The following GPHN variants were observed in gnomAD, a reference collection of about 807,000 sequenced individuals.
GPHN encodes the protein gephyrin.
In GPHN, 17 loss-of-function variants were observed where a neutral mutation model predicts 95.5. That is an observed-to-expected ratio of 0.18 (90% CI 0.12 to 0.27). The LOEUF is 0.27. Ranked by LOEUF, GPHN falls within the 10% of genes least tolerant of loss-of-function variation. GPHN has a pLI of 1.00. For synonymous variants in GPHN, 320 were observed against 322.5 expected, an observed-to-expected ratio of 0.99 and a Z score of 0.08; for missense variants, 660 against 978.1, an observed-to-expected ratio of 0.67 and a Z score of 4.34.
chr14:66,629,360 A>G (rs2063695361), intron 1 of GPHN, among the ~76,000 whole-genome samples: 2 of 151,562 alleles, frequency 1.3e-5, no homozygotes, highest in African/African-American at 4.8e-5. Context: ...CTAGGCCTAC[A>G]CAGGGTCAGG....
downstream of GPHN, among the ~76,000 whole-genome samples, chr14:67,185,926 A>G (rs886821977): frequency 2.6e-5 from 4 of 152,224 alleles, no homozygotes; most frequent in South Asian, 2.1e-4. Flanking sequence ...TTGTATTCCA[A>G]TGATGATGGG....
intron 4 of GPHN, among the ~76,000 whole-genome samples, chr14:66,826,610 T>G (rs578255032): frequency 6.6e-6 from 1 of 152,256 alleles, no homozygotes; most frequent in African/African-American, 2.4e-5. Context: ...TCAGATTCAC[T>G]AATTTGCTAG....
chr14:67,411,915 A>G, the GPHN span: 3 of 1,091,346 alleles, frequency 2.7e-6, no homozygotes, highest in Admixed American at 7.7e-5. Context: ...GGGGATGGGA[A>G]CCAGAGCATG....
chr14:66,663,162 GAC>G (rs1208143422), intron 1 of GPHN, among the ~76,000 whole-genome samples: 2 of 152,108 alleles, frequency 1.3e-5, no homozygotes, highest in Admixed American at 1.3e-4. Context: ...TCATCCCCAA[GAC>G]ACATAATCAT....
At chr14:66,760,585 C>T in intron 2 of GPHN, 1 of 382,186 alleles carries the variant, frequency 2.6e-6, no homozygotes, top group Non-Finnish European at 5.1e-6. Context: ...CTGGCCACAG[C>T]ATGATGTTCA....
chr14:66,721,886 G>A (rs146486172), intron 2 of GPHN, among the ~76,000 whole-genome samples: 2,874 of 148,636 alleles, frequency 0.019, 36 homozygotes, highest in Non-Finnish European at 0.028. Context: ...GGGAGGCGGA[G>A]CTTGCAGTGA....
chr14:67,418,388 A>G, the GPHN span, among the ~76,000 whole-genome samples: 1 of 152,184 alleles, frequency 6.6e-6, no homozygotes, highest in Non-Finnish European at 1.5e-5. Context: ...GGTCCATGGC[A>G]GTAGATTGCA....
At chr14:67,005,276 C>T (rs531600432) in intron 9 of GPHN, among the ~76,000 whole-genome samples, 2 of 151,776 alleles carry the variant, frequency 1.3e-5, no homozygotes, top group South Asian at 2.1e-4. Flanking sequence ...TATTTACAGT[C>T]GTAAATCCTA....
At chr14:66,741,613 G>C (rs1027382378) in intron 2 of GPHN, among the ~76,000 whole-genome samples, 1 of 152,172 alleles carries the variant, frequency 6.6e-6, no homozygotes, top group Admixed American at 6.5e-5. Context: ...GGTGGCAGCT[G>C]TTGTTACATC....
At chr14:67,513,460 G>A in the GPHN span, among the ~76,000 whole-genome samples, 11 of 152,156 alleles carry the variant, frequency 7.2e-5, no homozygotes, top group African/African-American at 2.4e-4. Flanking sequence ...TGGAACCTCC[G>A]TTGCTCCTGT....
intron 22 of GPHN, 127 bp downstream of exon 22, chr14:67,179,801 T>C: frequency 1.5e-6 from 1 of 673,200 alleles, no homozygotes; most frequent in East Asian, 2.7e-5. Flanking sequence ...AAAAGTTAGA[T>C]GAGTTAAGTT....
At chr14:67,460,320 C>T in the GPHN span, among the ~76,000 whole-genome samples, 11 of 152,298 alleles carry the variant, frequency 7.2e-5, no homozygotes, top group Non-Finnish European at 7.4e-5. Context: ...CTTGAACAAC[C>T]TACTCTCCCT....
intron 1 of GPHN, among the ~76,000 whole-genome samples, chr14:66,582,934 G>T (rs1430490929): frequency 2.0e-5 from 3 of 152,094 alleles, no homozygotes; most frequent in Non-Finnish European, 4.4e-5. Flanking sequence ...GGTATTTCTA[G>T]TTCTAAATCC....
chr14:66,973,518 G>C (rs1348677843), intron 9 of GPHN, among the ~76,000 whole-genome samples: 1 of 152,198 alleles, frequency 6.6e-6, no homozygotes, highest in East Asian at 1.9e-4. Context: ...CAGCACTTTG[G>C]AACGCCAAGG....
At chr14:66,965,832 A>G (rs2069286411) in intron 9 of GPHN, among the ~76,000 whole-genome samples, 2 of 151,950 alleles carry the variant, frequency 1.3e-5, no homozygotes, top group Non-Finnish European at 2.9e-5. Context: ...TTTATTAGAA[A>G]GAAAGTTTTA....
intron 1 of GPHN, among the ~76,000 whole-genome samples, chr14:66,676,313 C>T (rs1001618360): frequency 6.6e-5 from 10 of 151,930 alleles, no homozygotes; most frequent in Non-Finnish European, 8.8e-5. Context: ...CCTTTTGTGG[C>T]CTAATTTTTC....
intron 1 of GPHN, among the ~76,000 whole-genome samples, chr14:66,610,060 G>A (rs746524504): frequency 2.4e-4 from 36 of 152,094 alleles, no homozygotes; most frequent in Non-Finnish European, 4.1e-4. Flanking sequence ...GTGGGCTGGT[G>A]TTCCTTTAAC....
intron 2 of GPHN, among the ~76,000 whole-genome samples, chr14:66,707,059 A>G (rs944544455): frequency 1.3e-5 from 2 of 151,874 alleles, no homozygotes; most frequent in African/African-American, 4.8e-5. Flanking sequence ...TTTGAAAAAA[A>G]AAAAAAACAA....
chr14:67,139,708 G>A lies in GPHN; in HGVS notation c.1749-3654G>A, dbSNP rs916302223. Among the ~76,000 whole-genome samples the A allele has an allele frequency of 6.6e-5, 10 of 152,230 alleles. No individual in the cohort carries two copies. In the South Asian group the frequency reaches 1.7e-3, roughly 25 times the overall value. ...AAATGAAGTTATAGATCCCCTGGCT[G>A]TTGTCATATGTTGGTACCTGTCTCT... On this transcript the variant is annotated intron_variant, in intron 17 of 22. Transcript: ENST00000478722.
Sources: gnomAD v4.1 joint callset for allele counts (sites outside exome capture counted in the v4.1 genomes callset) on GRCh38, gnomAD v4.1.1 for gene constraint, MANE v1.5 for transcripts, NCBI Gene and HGNC (gene_info 2026-07-23, HGNC 2026-07-21) for gene names.